The following RAPGEF1 variants were observed in gnomAD, a reference collection of about 807,000 sequenced individuals.
RAPGEF1 encodes the protein Rap guanine nucleotide exchange factor 1.
RAPGEF1 carries 33 observed loss-of-function variants against 143.3 expected under a neutral mutation model. That is an observed-to-expected ratio of 0.23 (90% confidence interval 0.17 to 0.31). The LOEUF is 0.31. Among genes scored for constraint, RAPGEF1 ranks in the 10% least tolerant of loss-of-function variants. RAPGEF1 has a pLI of 1.00. For missense variants in RAPGEF1, 1,199 were observed against 1,645.4 expected (o/e 0.73, Z 4.69); for synonymous variants, 629 against 676.5 (o/e 0.93, Z 1.09).
At chr9:131,715,525 G>A (rs1835799967) in intron 1 of RAPGEF1, among the ~76,000 whole-genome samples, 1 of 152,058 alleles carries the variant, frequency 6.6e-6, no homozygotes, top group African/African-American at 2.4e-5. Flanking sequence ...CTTCTGGGAA[G>A]AGAGGTCTAT....
chr9:131,730,706 A>AAAAAAAAAG, intron 1 of RAPGEF1, among the ~76,000 whole-genome samples: 1 of 149,278 alleles, frequency 6.7e-6, no homozygotes, highest in Non-Finnish European at 1.5e-5. Context: ...TCAAAAAAAA[A>AAAAAAAAAG]AAAAAAAAAA....
chr9:131,598,708 CAA>C (rs1440756481), intron 15 of RAPGEF1, among the ~76,000 whole-genome samples: 1 of 152,212 alleles, frequency 6.6e-6, no homozygotes, highest in African/African-American at 2.4e-5. Context: ...AAGTCTTCTC[CAA>C]GGACCGACTT....
chr9:131,609,977 G>A (rs971606721), intron 12 of RAPGEF1, among the ~76,000 whole-genome samples: 2 of 152,124 alleles, frequency 1.3e-5, no homozygotes, highest in African/African-American at 4.8e-5. Context: ...GCTCACTGTA[G>A]CCTCAACCTC....
intron 1 of RAPGEF1, among the ~76,000 whole-genome samples, chr9:131,689,632 G>A (rs970792695): frequency 6.6e-6 from 1 of 151,910 alleles, no homozygotes; most frequent in Non-Finnish European, 1.5e-5. Context: ...TCTGCCTCCT[G>A]GGTTCAAGCG....
intron 1 of RAPGEF1, among the ~76,000 whole-genome samples, chr9:131,698,354 C>G (rs1388731802): frequency 6.6e-6 from 1 of 152,224 alleles, no homozygotes; most frequent in Non-Finnish European, 1.5e-5. Context: ...GGTCCCAATT[C>G]TGCCACTTAC....
chr9:131,640,557 T>C (rs1967622758), intron 4 of RAPGEF1, among the ~76,000 whole-genome samples: 1 of 152,154 alleles, frequency 6.6e-6, no homozygotes, highest in Non-Finnish European at 1.5e-5. Context: ...AGCTGCTGGC[T>C]CAGTTCCACA....
intron 4 of RAPGEF1, among the ~76,000 whole-genome samples, chr9:131,640,928 C>T (rs1344026424): frequency 6.6e-6 from 1 of 152,118 alleles, no homozygotes; most frequent in Non-Finnish European, 1.5e-5. Flanking sequence ...AAGGAAAACC[C>T]CTTCAATGGG....
At chr9:131,700,633 A>G (rs1244216414) in intron 1 of RAPGEF1, among the ~76,000 whole-genome samples, 1 of 152,196 alleles carries the variant, frequency 6.6e-6, no homozygotes, top group Admixed American at 6.5e-5. Context: ...TTTTTAGTAC[A>G]GTGTCCCATT....
intron 1 of RAPGEF1, among the ~76,000 whole-genome samples, chr9:131,731,089 G>A (rs77305855): frequency 2.4e-4 from 36 of 152,322 alleles, no homozygotes; most frequent in African/African-American, 8.2e-4. Flanking sequence ...CCCCAACTCA[G>A]TATATGACTA....
At chr9:131,589,823 G>A in intron 19 of RAPGEF1, 63 bp downstream of exon 19, 3 of 1,459,836 alleles carry the variant, frequency 2.1e-6, no homozygotes, top group South Asian at 1.1e-5. Flanking sequence ...GGCAGGAGAA[G>A]CAGGTGGAAT....
intron 1 of RAPGEF1, among the ~76,000 whole-genome samples, chr9:131,739,448 C>A (rs943786030): frequency 5.9e-5 from 9 of 152,116 alleles, no homozygotes; most frequent in African/African-American, 2.2e-4. Flanking sequence ...GCGGCCCGGG[C>A]TGTTCTTCCC....
chr9:131,590,170 G>A (rs939223167), intron 18 of RAPGEF1, among the ~76,000 whole-genome samples, 192 bp from the exon 19 acceptor site: 3 of 152,214 alleles, frequency 2.0e-5, no homozygotes, highest in East Asian at 3.9e-4. Context: ...GAGCACAGGC[G>A]TCTGTCCCCA....
intron 13 of RAPGEF1, 48 bp downstream of exon 13, chr9:131,604,883 G>GGGGT (rs1491488941): frequency 8.8e-6 from 11 of 1,250,146 alleles, no homozygotes; most frequent in Non-Finnish European, 1.0e-5. Flanking sequence ...CCCATGTGCA[G>GGGGT]GGGTGTGTGT....
At chr9:131,662,847 T>C (rs1829787229) in intron 1 of RAPGEF1, among the ~76,000 whole-genome samples, 1 of 152,128 alleles carries the variant, frequency 6.6e-6, no homozygotes. Flanking sequence ...TTTTGTTCGT[T>C]TTGTAGAGAT....
chr9:131,588,919 C>T lies in RAPGEF1; in HGVS notation c.2935G>A (p.Gly979Arg), dbSNP rs761273448. The T allele has an allele frequency of 9.9e-6, 16 of 1,613,854 alleles. No homozygotes were observed. The change falls in exon 20 of 27, where the codon GGG becomes AGG. Residue 979 changes from glycine to arginine, a missense_variant. Around this residue, in one of 6 missense-constraint regions of RAPGEF1, gnomAD observed 209 missense variants for 403.0 expected, o/e 0.52. Transcript: ENST00000683357. ...AGCACACGGGCCAGGCTCAGCTCCC[C>T]ATTGCACACCAGGCGGAAGACCAGT... ...MELVFRLVCN[G>R]ELSLARVLRK...
At chr9:131,605,409 C>T (rs1275369893) in intron 12 of RAPGEF1, among the ~76,000 whole-genome samples, 3 of 152,164 alleles carry the variant, frequency 2.0e-5, no homozygotes, top group Non-Finnish European at 2.9e-5. Flanking sequence ...GAGTGAACAG[C>T]GCTGTCCTCA....
chr9:131,611,042 C>T (rs1957957567), intron 12 of RAPGEF1, among the ~76,000 whole-genome samples: 1 of 152,210 alleles, frequency 6.6e-6, no homozygotes, highest in African/African-American at 2.4e-5. Flanking sequence ...CCAGGGGCAA[C>T]TCCTTTTCCT....
In RAPGEF1 at chr9:131,605,024, G is replaced by T; in HGVS notation, c.2226C>A (p.Pro742=). ...LAVPTMAGPP[P]STVDGPLSAS... ...CCGAGAGAGGCCCGTCCACGGTGCT[G>T]GGAGGTGGACCGGCCATGGTTGGCA... Residue 742 remains proline (P), a synonymous_variant, in exon 13 of 27, where the codon CCC becomes CCA. Coordinates refer to ENST00000683357, the MANE Select transcript of RAPGEF1 (RefSeq NM_001377935.1). The T allele has an allele frequency of 7.3e-7, 1 of 1,362,886 alleles. No individual in the cohort carries two copies. The highest frequency in any genetic ancestry group is 1.9e-5 in the Admixed American group (1 of 51,980). 84.4% of individuals were successfully genotyped at this position (1,362,886 alleles called of 1,614,324 possible). A position where few individuals can be genotyped will look rare whatever the true frequency, so the allele number is the denominator to read the frequency against.
chr9:131,618,525 G>A (rs1369782378), intron 12 of RAPGEF1, among the ~76,000 whole-genome samples: 2 of 152,130 alleles, frequency 1.3e-5, no homozygotes, highest in South Asian at 2.1e-4. Context: ...TGCTCTCCTC[G>A]ACCTGGCTTT....
Sources: allele counts gnomAD v4.1 joint callset (sites outside exome capture counted in the v4.1 genomes callset), GRCh38; gene constraint gnomAD v4.1.1; regional missense constraint gnomAD v4.1.1; transcripts MANE v1.5; gene names NCBI Gene and HGNC (gene_info 2026-07-23, HGNC 2026-07-21).